STT3B: variants seen among roughly 807,000 people sequenced by gnomAD.
The protein encoded by STT3B is STT3 oligosaccharyltransferase complex catalytic subunit B, also known as dolichyl-diphosphooligosaccharide--protein glycosyltransferase subunit STT3B.
STT3B carries 29 observed loss-of-function variants against 96.8 expected under a neutral mutation model. The observed-to-expected ratio is 0.30, with a 90% CI of 0.22 to 0.41. STT3B has a LOEUF of 0.41. Among genes scored for constraint, STT3B ranks in the 10% least tolerant of loss-of-function variants. The pLI is 1.00. For missense variants in STT3B, 640 were observed against 1,022.3 expected (o/e 0.63, Z 5.10); for synonymous variants, 367 against 360.0 (o/e 1.02, Z -0.22).
At chr3:31,633,254 A>T in intron 15 of STT3B, 107 bp downstream of exon 15, 1 of 960,392 alleles carries the variant, frequency 1.0e-6, no homozygotes, top group South Asian at 1.7e-5. Context: ...ATTTATAAAG[A>T]CTATGGCTTC....
intron 4 of STT3B, among the ~76,000 whole-genome samples, chr3:31,598,613 G>A (rs964800196): frequency 1.3e-5 from 2 of 152,176 alleles, no homozygotes; most frequent in African/African-American, 4.8e-5. Flanking sequence ...TAAAGATCAT[G>A]CATAAGATCA....
intron 5 of STT3B, among the ~76,000 whole-genome samples, chr3:31,612,160 A>G (rs1699197136): frequency 6.6e-6 from 1 of 152,218 alleles, no homozygotes; most frequent in African/African-American, 2.4e-5. Context: ...TATTAAGTAT[A>G]ATGCAAATAT....
intron 1 of STT3B, among the ~76,000 whole-genome samples, chr3:31,535,052 T>C (rs761578322): frequency 6.6e-6 from 1 of 152,104 alleles, no homozygotes; most frequent in South Asian, 2.1e-4. Context: ...ATAGCAGAAA[T>C]GCATGGTTGA....
At chr3:31,565,325 T>C (rs150925329) in intron 1 of STT3B, among the ~76,000 whole-genome samples, 3 of 152,364 alleles carry the variant, frequency 2.0e-5, no homozygotes, top group East Asian at 3.9e-4. Flanking sequence ...ATATTTCTCA[T>C]TGGACAATCT....
intron 9 of STT3B, 141 bp from the exon 10 acceptor site, chr3:31,621,956 A>C: frequency 1.6e-6 from 1 of 630,430 alleles, no homozygotes; most frequent in Non-Finnish European, 2.8e-6. Context: ...TCAGTTGTTC[A>C]GTAGTATCAA....
intron 1 of STT3B, among the ~76,000 whole-genome samples, chr3:31,565,757 C>G (rs1025038309): frequency 6.6e-6 from 1 of 152,072 alleles, no homozygotes; most frequent in African/African-American, 2.4e-5. Context: ...TCAAGCAGTA[C>G]TTAATAAAGG....
intron 1 of STT3B, among the ~76,000 whole-genome samples, chr3:31,539,329 T>C (rs1368345393): frequency 6.6e-6 from 1 of 152,196 alleles, no homozygotes; most frequent in Non-Finnish European, 1.5e-5. Flanking sequence ...ATATATGTTC[T>C]AAATGATAGT....
intron 1 of STT3B, among the ~76,000 whole-genome samples, chr3:31,560,317 A>T (rs1697843793): frequency 6.6e-6 from 1 of 151,644 alleles, no homozygotes; most frequent in East Asian, 1.9e-4. Flanking sequence ...GTAACATTTG[A>T]GTCTTTTCTT....
chr3:31,618,434 A>G (rs764746831), intron 8 of STT3B, among the ~76,000 whole-genome samples: 12 of 151,822 alleles, frequency 7.9e-5, no homozygotes, highest in Non-Finnish European at 1.5e-4. Flanking sequence ...GTGAAACACA[A>G]GAGAATATAT....
intron 1 of STT3B, among the ~76,000 whole-genome samples, chr3:31,534,049 A>G (rs762760004): frequency 6.6e-6 from 1 of 152,194 alleles, no homozygotes; most frequent in African/African-American, 2.4e-5. Context: ...TGCACTCAGC[A>G]CCTTACTGTT....
At chr3:31,552,359 A>G (rs1697582868) in intron 1 of STT3B, among the ~76,000 whole-genome samples, 1 of 152,208 alleles carries the variant, frequency 6.6e-6, no homozygotes, top group South Asian at 2.1e-4. Context: ...ATTCTAGTTT[A>G]GTGAGGGAGT....
chr3:31,589,807 T>G (rs1414755268), intron 3 of STT3B, among the ~76,000 whole-genome samples: 1 of 152,024 alleles, frequency 6.6e-6, no homozygotes, highest in Non-Finnish European at 1.5e-5. Context: ...TGCTACTTTT[T>G]TCCCAAACTG....
chr3:31,595,431 T>C (rs1051176940), intron 3 of STT3B, among the ~76,000 whole-genome samples: 5 of 152,250 alleles, frequency 3.3e-5, no homozygotes, highest in African/African-American at 1.2e-4. Flanking sequence ...CTTTTCGTTA[T>C]TGATCCCTCT....
chr3:31,569,910 A>G (rs1014541512), intron 1 of STT3B, among the ~76,000 whole-genome samples: 2 of 151,984 alleles, frequency 1.3e-5, no homozygotes, highest in African/African-American at 4.8e-5. Context: ...TATAAATTTT[A>G]TAAGTACATA....
At chr3:31,596,001 T>C (rs1233953094) in intron 3 of STT3B, among the ~76,000 whole-genome samples, 1 of 152,242 alleles carries the variant, frequency 6.6e-6, no homozygotes, top group Non-Finnish European at 1.5e-5. Context: ...TGTGTTTGAC[T>C]CAAGTTCTTG....
intron 9 of STT3B, among the ~76,000 whole-genome samples, chr3:31,620,951 C>G (rs1472319842): frequency 3.9e-5 from 6 of 152,154 alleles, no homozygotes; most frequent in African/African-American, 1.2e-4. Context: ...CTGCATCATT[C>G]AAGAAGATTT....
chr3:31,559,143 TGG>T (rs202088544), intron 1 of STT3B, among the ~76,000 whole-genome samples: 2 of 103,596 alleles, frequency 1.9e-5, no homozygotes, highest in Non-Finnish European at 3.8e-5. Flanking sequence ...CATTGATTCT[TGG>T]GGTGTGTGTG....
intron 7 of STT3B, among the ~76,000 whole-genome samples, 179 bp from the exon 8 acceptor site, chr3:31,617,761 C>G (rs778784453): frequency 6.6e-6 from 1 of 151,950 alleles, no homozygotes; most frequent in Non-Finnish European, 1.5e-5. Flanking sequence ...TTTATTTGAT[C>G]ACTACCTTAT....
chr3:31,614,470 T>C (rs1699259730), intron 5 of STT3B, among the ~76,000 whole-genome samples: 1 of 151,942 alleles, frequency 6.6e-6, no homozygotes, highest in Non-Finnish European at 1.5e-5. Context: ...GAGAATACTA[T>C]AACATACTTA....
Sources: allele counts gnomAD v4.1 joint callset (sites outside exome capture counted in the v4.1 genomes callset), GRCh38; gene constraint gnomAD v4.1.1; transcripts MANE v1.5; gene names NCBI Gene and HGNC (gene_info 2026-07-23, HGNC 2026-07-21).